Variants in RIMS2 observed in about 807,000 individuals in gnomAD.
The protein encoded by RIMS2 is regulating synaptic membrane exocytosis protein 2.
Under a neutral mutation model 174.4 loss-of-function variants are expected in RIMS2, and 59 were observed. The ratio of observed to expected loss-of-function variants is 0.34; its 90% confidence interval spans 0.27 to 0.42. RIMS2 has a LOEUF of 0.42. Ranked by LOEUF, RIMS2 falls within the 10% of genes least tolerant of loss-of-function variation. The pLI, the probability that RIMS2 is intolerant of heterozygous loss-of-function variation, is 1.00. For missense variants in RIMS2, 1,620 were observed against 1,666.3 expected, an observed-to-expected ratio of 0.97 and a Z score of 0.48; for synonymous variants, 606 against 572.5, an observed-to-expected ratio of 1.06 and a Z score of -0.84.
chr8:103,998,260 T>A (rs1223216589), intron 17 of RIMS2: 1 of 1,595,100 alleles, frequency 6.3e-7, no homozygotes, highest in Admixed American at 1.7e-5. Flanking sequence ...GGTATATTTT[T>A]CTTACAATTG....
intron 2 of RIMS2, among the ~76,000 whole-genome samples, chr8:103,736,934 T>C (rs1297385148): frequency 6.6e-6 from 1 of 152,094 alleles, no homozygotes; most frequent in Non-Finnish European, 1.5e-5. Flanking sequence ...ATCTATTTTA[T>C]CTGTAGTATC....
In RIMS2 at chr8:103,843,789, G is replaced by A. The variant is rs569022406; in HGVS notation, c.699-41509G>A. Among the ~76,000 whole-genome samples, 7 of 151,996 alleles carry A rather than the reference G, an allele frequency of 4.6e-5. No homozygotes were observed. In the South Asian group the frequency reaches 6.2e-4, roughly 14 times the overall value. On this transcript the variant is annotated intron_variant, in intron 3 of 23. Coordinates refer to ENST00000504942, the Ensembl canonical transcript of RIMS2. ...TTAATAATTATTTGTCTTTTTTATC[G>A]TCTTTTAGAATCTTATAAAAATTTA...
At position 104,154,853 on chromosome 8, in the gene RIMS2, T is replaced by C; in HGVS notation, c.3335-90063T>C. On this transcript the variant is annotated intron_variant, in intron 19 of 23. Transcript: ENST00000504942. ...GTTTTTCTTGTTTAGTTTATCCTTC[T>C]CAGTTTCTAGTATTGTATCACATAT... Among the ~76,000 whole-genome samples, 2 of 152,192 alleles carry C rather than the reference T, an allele frequency of 1.3e-5. 1 individual carries two copies. The highest frequency in any genetic ancestry group is 4.8e-5 in the African/African-American group (2 of 41,442).
chr8:104,223,881 C>A, intron 19 of RIMS2: 1 of 1,065,580 alleles, frequency 9.4e-7, no homozygotes, highest in Non-Finnish European at 1.4e-6. Flanking sequence ...GAGAACTCCA[C>A]GTAGCAGTGT....
intron 3 of RIMS2, among the ~76,000 whole-genome samples, chr8:103,821,055 A>G (rs935812462): frequency 4.0e-5 from 6 of 151,422 alleles, no homozygotes; most frequent in Non-Finnish European, 8.9e-5. Context: ...AATGCCAAGA[A>G]TTTGTGTGTA....
chr8:103,690,160 C>T (rs1225463395), intron 1 of RIMS2, among the ~76,000 whole-genome samples: 1 of 152,054 alleles, frequency 6.6e-6, no homozygotes, highest in Non-Finnish European at 1.5e-5. Flanking sequence ...GACAGGGTTT[C>T]AGAATGTTGG....
In RIMS2 at chr8:103,812,342, T is replaced by G. The variant is rs78082351; in HGVS notation, c.698+45805T>G. On this transcript the variant is annotated intron_variant, in intron 3 of 23. Coordinates refer to ENST00000504942, the Ensembl canonical transcript of RIMS2. ...TACCTTATTACCTTGTTTTTTTTTT[T>G]TTTTTTTTTTTTGTTGTTGTTTTTG... Among the ~76,000 whole-genome samples, 142 of 113,276 alleles carry G rather than the reference T, an allele frequency of 1.3e-3. 1 individual carries two copies. The highest frequency in any genetic ancestry group is 2.1e-3 in the Non-Finnish European group (100 of 48,388). The allele number at this position is 113,276 out of a possible 152,430, so 74.3% of individuals were successfully genotyped here.
intron 3 of RIMS2, among the ~76,000 whole-genome samples, chr8:103,793,212 A>C (rs1023984789): frequency 2.6e-5 from 4 of 152,222 alleles, no homozygotes; most frequent in African/African-American, 9.7e-5. Context: ...ATCCAGCAGC[A>C]CATCTAAAAG....
intron 19 of RIMS2, among the ~76,000 whole-genome samples, chr8:104,154,169 G>C (rs918428046): frequency 3.9e-5 from 6 of 152,136 alleles, no homozygotes; most frequent in Admixed American, 3.9e-4. Flanking sequence ...ATAGATGGGG[G>C]GAAAAAGTAG....
intron 19 of RIMS2, among the ~76,000 whole-genome samples, chr8:104,045,814 C>T (rs921641186): frequency 6.6e-6 from 1 of 151,638 alleles, no homozygotes; most frequent in African/African-American, 2.4e-5. Context: ...ATTTGTCTTC[C>T]AGATACTAAT....
intron 1 of RIMS2, among the ~76,000 whole-genome samples, chr8:103,615,201 C>T (rs552469786): frequency 1.3e-5 from 2 of 151,992 alleles, no homozygotes; most frequent in South Asian, 2.1e-4. Flanking sequence ...GACCATAGCG[C>T]AATAAAAATA....
chr8:103,812,342 T>TTTTTTTTTTTTTTTTG (rs2098693509), intron 3 of RIMS2, among the ~76,000 whole-genome samples: 1 of 113,290 alleles, frequency 8.8e-6, no homozygotes, highest in African/African-American at 3.1e-5. Context: ...TTTTTTTTTT[T>TTTTTTTTTTTTTTTTG]TTTTTTTTTT....
At chr8:103,609,531 A>G (rs902495386) in intron 1 of RIMS2, among the ~76,000 whole-genome samples, 4 of 152,090 alleles carry the variant, frequency 2.6e-5, no homozygotes, top group African/African-American at 9.7e-5. Context: ...TCCTGTTTGG[A>G]TATGGTATAA....
At chr8:103,945,300 T>G (rs898047690) in intron 14 of RIMS2, among the ~76,000 whole-genome samples, 1 of 152,088 alleles carries the variant, frequency 6.6e-6, no homozygotes, top group African/African-American at 2.4e-5. Flanking sequence ...AATTAATGAA[T>G]TGATAATGAA....
chr8:103,961,809 G>A (rs1323887526), intron 15 of RIMS2, among the ~76,000 whole-genome samples: 3 of 152,110 alleles, frequency 2.0e-5, no homozygotes, highest in African/African-American at 7.2e-5. Flanking sequence ...TGCAAGGCAT[G>A]CCACAGTTGC....
chr8:103,812,273 T>C lies in RIMS2; in HGVS notation c.698+45736T>C, dbSNP rs534583581. 5.3e-5 allele frequency among the ~76,000 whole-genome samples: 8 copies of C among 152,218 alleles called. No individual in the cohort carries two copies. In the South Asian group the frequency reaches 1.7e-3, roughly 32 times the overall value. ...GTTCTTCCTTTCTTCCATTCCTGAA[T>C]GTATTGTATGGTTCATCCTAAGTTG... is the stretch of plus-strand genomic sequence containing the variant. On this transcript the variant is annotated intron_variant, in intron 3 of 23. Transcript: ENST00000504942.
At chr8:103,923,426 G>C (rs72681372) in intron 10 of RIMS2, among the ~76,000 whole-genome samples, 19,274 of 151,886 alleles carry the variant, frequency 0.13, 1,692 homozygotes, top group Non-Finnish European at 0.19. Context: ...ACTAGGAGGG[G>C]AGGATGAGAA....
chr8:103,652,777 TTAAA>T, intron 1 of RIMS2, 67 bp downstream of exon 3: 4 of 946,512 alleles, frequency 4.2e-6, no homozygotes, highest in Non-Finnish European at 5.9e-6. Flanking sequence ...AAAGTATGTG[TTAAA>T]ATACTGTCCT....
chr8:104,065,862 A>G (rs1268457743), intron 19 of RIMS2, among the ~76,000 whole-genome samples: 2 of 152,152 alleles, frequency 1.3e-5, no homozygotes, highest in Non-Finnish European at 2.9e-5. Context: ...ACATATTTAA[A>G]TGGTTAGAAA....
Sources: allele counts gnomAD v4.1 joint callset (sites outside exome capture counted in the v4.1 genomes callset), GRCh38; gene constraint gnomAD v4.1.1; transcripts MANE v1.5; gene names NCBI Gene and HGNC (gene_info 2026-07-23, HGNC 2026-07-21).